Variants in LINGO2 observed in about 807,000 individuals in gnomAD.
LINGO2 encodes the protein leucine-rich repeat and immunoglobulin-like domain-containing nogo receptor-interacting protein 2.
In LINGO2, 14 loss-of-function variants were observed where a neutral mutation model predicts 30.6. That is an observed-to-expected ratio of 0.46 (90% confidence interval 0.30 to 0.72). The LOEUF (loss-of-function observed/expected upper bound fraction) is 0.72, where lower values mean the gene tolerates loss of function less well. Among genes scored for constraint, LINGO2 ranks in the 30% least tolerant of loss-of-function variants. The pLI is 0.07. For missense variants in LINGO2, 729 were observed against 751.7 expected (o/e 0.97, Z 0.35); for synonymous variants, 317 against 288.5 (o/e 1.10, Z -1.00).
chr9:28,106,998 A>C (rs1213191289), intron 4 of LINGO2, among the ~76,000 whole-genome samples: 1 of 152,140 alleles, frequency 6.6e-6, no homozygotes, highest in Non-Finnish European at 1.5e-5. Context: ...TTCTTTACCT[A>C]GAATGCTCCA....
intron 1 of LINGO2, among the ~76,000 whole-genome samples, chr9:28,521,200 T>C (rs1362218402): frequency 2.0e-5 from 3 of 152,164 alleles, no homozygotes; most frequent in African/African-American, 7.2e-5. Flanking sequence ...CCGTGTGGGA[T>C]ATTCAAAGCA....
the LINGO2 span, among the ~76,000 whole-genome samples, chr9:28,753,776 C>T: frequency 8.9e-3 from 1,357 of 152,040 alleles, 28 homozygotes; most frequent in African/African-American, 0.028. Context: ...GTAACTCAGC[C>T]TCTCTATGCC....
chr9:28,641,170 A>G (rs1471858124), intron 1 of LINGO2, among the ~76,000 whole-genome samples: 4 of 151,992 alleles, frequency 2.6e-5, no homozygotes, highest in African/African-American at 9.7e-5. Context: ...AGTAGCTGGG[A>G]CTACAGGCGC....
chr9:29,185,458 G>A, the LINGO2 span, among the ~76,000 whole-genome samples: 6 of 152,104 alleles, frequency 3.9e-5, no homozygotes, highest in South Asian at 2.1e-4. Context: ...TACTTTAAAC[G>A]CATTGCTTAA....
chr9:29,169,991 TAAAA>T, the LINGO2 span, among the ~76,000 whole-genome samples: 95 of 152,030 alleles, frequency 6.2e-4, no homozygotes, highest in Non-Finnish European at 1.2e-3. Flanking sequence ...AGACTCTGTA[TAAAA>T]ACAAACAAAC....
chr9:28,414,848 G>C (rs1314354420), intron 2 of LINGO2, among the ~76,000 whole-genome samples: 1 of 152,056 alleles, frequency 6.6e-6, no homozygotes, highest in African/African-American at 2.4e-5. Flanking sequence ...GATCATTCAA[G>C]ATAGGCATTA....
the LINGO2 span, among the ~76,000 whole-genome samples, chr9:29,186,282 A>G: frequency 2.6e-5 from 4 of 151,940 alleles, no homozygotes; most frequent in Non-Finnish European, 5.9e-5. Flanking sequence ...TTTTTCTTCA[A>G]TTTTACAGCT....
intron 5 of LINGO2, among the ~76,000 whole-genome samples, chr9:27,993,277 G>A (rs936699379): frequency 6.6e-6 from 1 of 152,032 alleles, no homozygotes. Flanking sequence ...CTTTGTTGAG[G>A]TAATATTTTG....
At chr9:28,753,963 ATTT>A in the LINGO2 span, among the ~76,000 whole-genome samples, 11 of 151,376 alleles carry the variant, frequency 7.3e-5, no homozygotes, top group South Asian at 2.1e-3. Flanking sequence ...ATGAATTTTG[ATTT>A]TTTTCCACTT....
At chr9:28,235,112 G>T (rs1275167510) in intron 4 of LINGO2, among the ~76,000 whole-genome samples, 1 of 152,042 alleles carries the variant, frequency 6.6e-6, no homozygotes, top group African/African-American at 2.4e-5. Context: ...CAGAGTCCCA[G>T]TGGTGGTGGC....
intron 2 of LINGO2, among the ~76,000 whole-genome samples, chr9:28,407,273 AGAT>A (rs747486013): frequency 3.0e-4 from 46 of 151,552 alleles, no homozygotes; most frequent in African/African-American, 1.1e-3. Flanking sequence ...GAGAAAAAAA[AGAT>A]AGAAAAATAT....
At chr9:27,950,205 T>C in exon 6 of LINGO2, 1 of 1,614,052 alleles carries the variant, frequency 6.2e-7, no homozygotes, top group Non-Finnish European at 8.5e-7. Context: ...TTCTAGAGAC[T>C]TCAGGTTATG....
Position 28,575,296 on chromosome 9 carries a change from G to A in LINGO2, c.-365+94904C>T, listed in dbSNP as rs556122622. On this transcript the variant is annotated intron_variant, in intron 1 of 5. Transcript: ENST00000379992. ...GCCTGTAATCCCAGCTACTTGGGGA[G>A]GCTGAGGCAGGAGAATTGCTTGAAC... 5.9e-5 allele frequency among the ~76,000 whole-genome samples: 9 copies of A among 152,112 alleles called. No individual in the cohort carries two copies. In the East Asian group the frequency reaches 1.6e-3, roughly 26 times the overall value.
chr9:28,648,574 C>G (rs184010107), intron 1 of LINGO2, among the ~76,000 whole-genome samples: 408 of 152,140 alleles, frequency 2.7e-3, no homozygotes, highest in African/African-American at 8.7e-3. Context: ...AGGTAGTCTA[C>G]AATTATTCTC....
chr9:27,973,027 T>A (rs1458709136), intron 5 of LINGO2, among the ~76,000 whole-genome samples: 1 of 152,166 alleles, frequency 6.6e-6, no homozygotes, highest in Non-Finnish European at 1.5e-5. Flanking sequence ...TTCTCTGATA[T>A]GGGAGCTCCT....
At chr9:28,410,173 GAGGAA>G (rs539164595) in intron 2 of LINGO2, among the ~76,000 whole-genome samples, 2 of 151,124 alleles carry the variant, frequency 1.3e-5, no homozygotes, top group Non-Finnish European at 1.5e-5. Flanking sequence ...GAAAGAGAAA[GAGGAA>G]AGGAAAGGGA....
the LINGO2 span, among the ~76,000 whole-genome samples, chr9:29,160,978 C>A: frequency 1.3e-5 from 2 of 152,240 alleles, no homozygotes; most frequent in Non-Finnish European, 2.9e-5. Flanking sequence ...GGGCTCAGTT[C>A]AGCATGGCTC....
chr9:28,808,616 G>C, the LINGO2 span, among the ~76,000 whole-genome samples: 1 of 152,168 alleles, frequency 6.6e-6, no homozygotes, highest in Non-Finnish European at 1.5e-5. Flanking sequence ...TTCATTCCAT[G>C]TGGCAGACTC....
chr9:28,041,791 C>T (rs1824206941), intron 4 of LINGO2, among the ~76,000 whole-genome samples: 1 of 152,134 alleles, frequency 6.6e-6, no homozygotes, highest in African/African-American at 2.4e-5. Flanking sequence ...TGACACCTTA[C>T]CCTACAACAT....
Sources: gnomAD v4.1 joint callset for allele counts (sites outside exome capture counted in the v4.1 genomes callset) on GRCh38, gnomAD v4.1.1 for gene constraint, MANE v1.5 for transcripts, NCBI Gene and HGNC (gene_info 2026-07-23, HGNC 2026-07-21) for gene names.